The following CSMD1 variants were observed in gnomAD, a reference collection of about 807,000 sequenced individuals.
CSMD1 encodes CUB and Sushi multiple domains 1, also known as CUB and sushi domain-containing protein 1.
CSMD1 carries 213 observed loss-of-function variants against 417.5 expected under a neutral mutation model. The observed-to-expected ratio is 0.51, with a 90% CI of 0.46 to 0.57. The LOEUF is 0.57. Ranked by LOEUF, CSMD1 falls within the 20% of genes least tolerant of loss-of-function variation. CSMD1 has a pLI of 0.00. For missense variants in CSMD1, 6,923 were observed against 4,529.7 expected, an observed-to-expected ratio of 1.53 and a Z score of -15.17; for synonymous variants, 2,862 against 1,736.8, an observed-to-expected ratio of 1.65 and a Z score of -16.11.
chr8:3,990,034 G>C (rs1164152266), intron 5 of CSMD1, among the ~76,000 whole-genome samples: 4 of 152,204 alleles, frequency 2.6e-5, no homozygotes, highest in Admixed American at 6.5e-5. Flanking sequence ...GAATAAATGA[G>C]AGTTAAGCAG....
At chr8:3,264,464 G>A (rs138444591) in intron 26 of CSMD1, among the ~76,000 whole-genome samples, 4 of 152,262 alleles carry the variant, frequency 2.6e-5, no homozygotes, top group Non-Finnish European at 4.4e-5. Context: ...AGTTTGAATC[G>A]AGTGAGGTGA....
At chr8:4,053,242 C>T (rs1245962089) in intron 3 of CSMD1, among the ~76,000 whole-genome samples, 1 of 152,214 alleles carries the variant, frequency 6.6e-6, no homozygotes, top group African/African-American at 2.4e-5. Context: ...GTGTTTAGAA[C>T]TTAGACTACC....
At chr8:4,000,903 A>G (rs1241298350) in intron 4 of CSMD1, among the ~76,000 whole-genome samples, 1 of 152,150 alleles carries the variant, frequency 6.6e-6, no homozygotes, top group Non-Finnish European at 1.5e-5. Context: ...TTAAAAGAAA[A>G]TTATCAAAGT....
At chr8:3,673,755 C>G (rs1337074038) in intron 7 of CSMD1, among the ~76,000 whole-genome samples, 1 of 152,178 alleles carries the variant, frequency 6.6e-6, no homozygotes, top group Admixed American at 6.5e-5. Context: ...GAGCTATTCC[C>G]TCAAGCATGA....
At chr8:3,324,306 G>C (rs567140386) in intron 23 of CSMD1, among the ~76,000 whole-genome samples, 1 of 150,932 alleles carries the variant, frequency 6.6e-6, no homozygotes, top group South Asian at 2.1e-4. Context: ...GACCCAGGAG[G>C]GGGAGTTTCC....
Position 3,216,433 on chromosome 8 carries a change from C to G in CSMD1, c.4673-1742G>C, listed in dbSNP as rs141853931. 5.8e-3 allele frequency among the ~76,000 whole-genome samples: 885 copies of G among 152,284 alleles called. 7 individuals are homozygous for G. The highest frequency in any genetic ancestry group is 0.02 in the African/African-American group (819 of 41,560). ...AAATAAAAAATTTCCCAGTACACAT[C>G]TATTAATGTATGTCTGTTGCTCTTG... On this transcript the variant is annotated intron_variant, in intron 29 of 69. Coordinates refer to ENST00000635120, the MANE Select transcript of CSMD1 (RefSeq NM_033225.6).
At chr8:3,746,344 A>C (rs767146702) in intron 6 of CSMD1, among the ~76,000 whole-genome samples, 2 of 152,248 alleles carry the variant, frequency 1.3e-5, no homozygotes. Context: ...ACTGCCAAGT[A>C]TTAATCTGTT....
rs1816989770 is a variant in CSMD1, at chr8:3,118,406, T to C, written c.6423A>G (p.Arg2141=). The C allele has an allele frequency of 1.2e-6, 2 of 1,612,234 alleles. No homozygotes were observed. Among genetic ancestry groups the C allele is most frequent in the African/African-American group, 1.3e-5 (1 of 74,872 alleles). ...GCAAAGTGATGAACTTACCATCACATCTTGGAAAAGGGTAGTTCCAGTTTC... is the reference window on the plus strand; with the variant it reads ...GCAAAGTGATGAACTTACCATCACACCTTGGAAAAGGGTAGTTCCAGTTTC... ...INRNWNYPFP[R]CDAPCGYNVT... Residue 2141 remains arginine, a synonymous_variant, in exon 42 of 70, where the codon AGA becomes AGG. Coordinates refer to ENST00000635120, the MANE Select transcript of CSMD1 (RefSeq NM_033225.6).
intron 5 of CSMD1, among the ~76,000 whole-genome samples, chr8:3,964,217 G>C (rs777295089): frequency 6.6e-6 from 1 of 152,148 alleles, no homozygotes; most frequent in African/African-American, 2.4e-5. Context: ...CTGTATAAAT[G>C]AGAGTGATTT....
intron 3 of CSMD1, among the ~76,000 whole-genome samples, chr8:4,350,760 G>C (rs10105349): frequency 0.44 from 66,202 of 152,008 alleles, 15,016 homozygotes; most frequent in African/African-American, 0.57. Flanking sequence ...AGTGGCAGCT[G>C]ATTGAATTTA....
intron 5 of CSMD1, among the ~76,000 whole-genome samples, chr8:3,845,851 ACTT>A (rs1175157609): frequency 3.3e-5 from 5 of 150,810 alleles, no homozygotes; most frequent in Non-Finnish European, 7.4e-5. Flanking sequence ...TACTTTCTAT[ACTT>A]CTTTTGTTAA....
At chr8:3,119,617 T>C (rs1817079870) in intron 41 of CSMD1, among the ~76,000 whole-genome samples, 1 of 152,172 alleles carries the variant, frequency 6.6e-6, no homozygotes, top group Admixed American at 6.5e-5. Context: ...TATCATCTGA[T>C]ACTGTAATTT....
At chr8:3,324,891 T>G (rs1806423375) in intron 23 of CSMD1, among the ~76,000 whole-genome samples, 2 of 152,188 alleles carry the variant, frequency 1.3e-5, no homozygotes, top group Admixed American at 1.3e-4. Context: ...TGTTTTCATG[T>G]TCCTCGGTCT....
intron 5 of CSMD1, among the ~76,000 whole-genome samples, chr8:3,851,614 G>C (rs375524885): frequency 2.0e-5 from 3 of 151,796 alleles, no homozygotes; most frequent in East Asian, 3.9e-4. Flanking sequence ...TTTCACTGGA[G>C]AAAAAAACAT....
chr8:4,006,118 TTGATATTCACATATCAACCACAGA>T (rs1326514478), intron 4 of CSMD1, among the ~76,000 whole-genome samples: 1 of 152,182 alleles, frequency 6.6e-6, no homozygotes, highest in Non-Finnish European at 1.5e-5. Flanking sequence ...CCGAGGAGAC[TTGATATTCACATATCAACCACAGA>T]TGATTTATGT....
intron 1 of CSMD1, among the ~76,000 whole-genome samples, chr8:4,733,915 C>G (rs766574079): frequency 4.6e-5 from 7 of 152,018 alleles, no homozygotes; most frequent in Admixed American, 2.6e-4. Flanking sequence ...AAAAAACAGA[C>G]AAGGATAGCA....
intron 3 of CSMD1, among the ~76,000 whole-genome samples, chr8:4,332,368 A>G (rs541123881): frequency 4.6e-5 from 7 of 152,118 alleles, no homozygotes; most frequent in Non-Finnish European, 7.4e-5. Context: ...CATTGCACTC[A>G]AATTAACGAT....
intron 1 of CSMD1, among the ~76,000 whole-genome samples, chr8:4,761,413 C>G (rs1226969434): frequency 6.6e-6 from 1 of 151,978 alleles, no homozygotes; most frequent in Non-Finnish European, 1.5e-5. Flanking sequence ...CATATATATA[C>G]ACACAATTAC....
At chr8:4,311,894 T>A (rs190883958) in intron 3 of CSMD1, among the ~76,000 whole-genome samples, 2 of 151,948 alleles carry the variant, frequency 1.3e-5, no homozygotes, top group African/African-American at 4.8e-5. Flanking sequence ...AAATAATACA[T>A]GCAACGAACC....
Sources: allele counts gnomAD v4.1 joint callset (sites outside exome capture counted in the v4.1 genomes callset), GRCh38; gene constraint gnomAD v4.1.1; transcripts MANE v1.5; gene names NCBI Gene and HGNC (gene_info 2026-07-23, HGNC 2026-07-21).